Variants in GLI3 observed in about 807,000 individuals in gnomAD.
GLI3 encodes GLI family zinc finger 3, also known as transcription activator GLI3.
GLI3 carries 20 observed loss-of-function variants against 100.8 expected under a neutral mutation model. The observed-to-expected ratio is 0.20, with a 90% CI of 0.14 to 0.29. The LOEUF (loss-of-function observed/expected upper bound fraction) is 0.29. Among genes scored for constraint, GLI3 ranks in the 10% least tolerant of loss-of-function variants. The pLI is 1.00. For missense variants in GLI3, 2,040 were observed against 2,128.5 expected (o/e 0.96, Z 0.82); for synonymous variants, 938 against 860.5 (o/e 1.09, Z -1.58).
chr7:42,174,634 C>T (rs1787442645), intron 2 of GLI3, among the ~76,000 whole-genome samples: 1 of 152,152 alleles, frequency 6.6e-6, no homozygotes, highest in Non-Finnish European at 1.5e-5. Flanking sequence ...ACAACTGAAG[C>T]ACATTTCGGT....
At chr7:42,083,195 C>T (rs1262984306) in intron 3 of GLI3, among the ~76,000 whole-genome samples, 1 of 152,188 alleles carries the variant, frequency 6.6e-6, no homozygotes, top group African/African-American at 2.4e-5. Flanking sequence ...GCTCAACCCC[C>T]ACTATCCTTC....
At chr7:42,027,214 T>C (rs750422559) in intron 7 of GLI3, among the ~76,000 whole-genome samples, 2 of 152,214 alleles carry the variant, frequency 1.3e-5, no homozygotes, top group Admixed American at 6.5e-5. Flanking sequence ...TAGCAGGCAA[T>C]GCCAAATCAT....
At chr7:42,085,219 C>T (rs1785079288) in intron 3 of GLI3, among the ~76,000 whole-genome samples, 1 of 151,974 alleles carries the variant, frequency 6.6e-6, no homozygotes, top group African/African-American at 2.4e-5. Context: ...ACCCTGGAGT[C>T]AATAGGATCA....
chr7:42,095,492 ACT>A (rs1322384109), intron 3 of GLI3, among the ~76,000 whole-genome samples: 1 of 152,128 alleles, frequency 6.6e-6, no homozygotes, highest in Non-Finnish European at 1.5e-5. Context: ...AGATGTAAAG[ACT>A]CAAAAAACCA....
At chr7:42,014,822 C>A (rs1160473689) in intron 10 of GLI3, among the ~76,000 whole-genome samples, 2 of 152,096 alleles carry the variant, frequency 1.3e-5, no homozygotes, top group African/African-American at 2.4e-5. Flanking sequence ...GTAGTGGCCA[C>A]CAGGTGGTGA....
Position 41,965,566 on chromosome 7 carries a change from G to T in GLI3, c.3507C>A (p.Ser1169Arg). Reference protein sequence around the residue: ...PIQWNEVSSGSADLSSSKLKC... With the variant: ...PIQWNEVSSGRADLSSSKLKC... ...TGAGCTTGGAGGAGGACAGGTCGGC[G>T]CTTCCGGAGCTGACTTCGTTCCACT... The change falls in exon 15 of 15, where the codon AGC becomes AGA. Residue 1169 changes from serine to arginine, a missense_variant. This residue lies in a region of GLI3 where 1,041 missense variants were observed against 924.0 expected (regional missense o/e 1.13). Coordinates refer to ENST00000395925, the MANE Select transcript of GLI3 (RefSeq NM_000168.6). 6.2e-7 allele frequency: 1 copy of T among 1,604,728 alleles called. No homozygotes were observed. Among genetic ancestry groups the T allele is most frequent in the African/African-American group, 1.3e-5 (1 of 74,816 alleles).
Position 41,964,905 on chromosome 7 carries a change from C to A in GLI3, c.4168G>T (p.Gly1390Trp). The A allele has an allele frequency of 8.7e-6, 14 of 1,613,830 alleles. No homozygotes were observed. The highest frequency in any genetic ancestry group is 1.2e-5 in the Non-Finnish European group (14 of 1,180,044). ...VRGYQPCASFGGSRRQAMPRD... is the reference protein window; with the variant it reads ...VRGYQPCASFWGSRRQAMPRD... ...GGCATAGCCTGGCGCCTGCTGCCCC[C>A]AAAGCTGGCACATGGCTGGTAGCCC... Residue 1390 changes from glycine (G) to tryptophan (W), a missense_variant, in exon 15 of 15, where the codon GGG becomes TGG. Gly to Trp is a radical substitution (Grantham distance 184). Around this residue, in one of 5 missense-constraint regions of GLI3, gnomAD observed 1,041 missense variants for 924.0 expected, o/e 1.13. Coordinates refer to ENST00000395925, the MANE Select transcript of GLI3 (RefSeq NM_000168.6).
intron 2 of GLI3, among the ~76,000 whole-genome samples, chr7:42,176,329 T>C (rs1156882254): frequency 2.0e-5 from 3 of 151,794 alleles, no homozygotes; most frequent in African/African-American, 7.3e-5. Flanking sequence ...TCCCCACAAG[T>C]CCTGACAAAT....
chr7:42,062,874 G>A (rs979240372), intron 4 of GLI3, among the ~76,000 whole-genome samples: 44 of 152,162 alleles, frequency 2.9e-4, no homozygotes, highest in Middle Eastern at 3.4e-3. Flanking sequence ...AATAAAAAGT[G>A]ACTCTCCTCA....
chr7:42,101,541 G>T (rs1020502304), intron 3 of GLI3, among the ~76,000 whole-genome samples: 1 of 152,084 alleles, frequency 6.6e-6, no homozygotes, highest in African/African-American at 2.4e-5. Flanking sequence ...GGGAGGTGGA[G>T]GCTGCAGTGA....
chr7:42,081,973 A>G (rs1406065489), intron 3 of GLI3, among the ~76,000 whole-genome samples: 2 of 152,060 alleles, frequency 1.3e-5, no homozygotes, highest in African/African-American at 2.4e-5. Flanking sequence ...GAATCATCTC[A>G]ATCAGCTAGG....
intron 3 of GLI3, among the ~76,000 whole-genome samples, chr7:42,143,976 CTT>C (rs757679877): frequency 3.3e-5 from 5 of 152,150 alleles, no homozygotes; most frequent in Non-Finnish European, 5.9e-5. Flanking sequence ...ATCCGAGAAA[CTT>C]TGCACAAAGA....
At chr7:42,013,293 C>T (rs754084349) in intron 10 of GLI3, among the ~76,000 whole-genome samples, 1 of 152,028 alleles carries the variant, frequency 6.6e-6, no homozygotes, top group African/African-American at 2.4e-5. Flanking sequence ...ACAATCCTGC[C>T]CTGATTGGAA....
At chr7:41,977,900 G>T in intron 11 of GLI3, 178 bp from the exon 12 acceptor site, 1 of 649,532 alleles carries the variant, frequency 1.5e-6, no homozygotes, top group Non-Finnish European at 2.7e-6. Flanking sequence ...GCTTGGTGTA[G>T]TTCCAGATAA....
chr7:42,026,158 G>A (rs770323040), intron 8 of GLI3, 41 bp downstream of exon 8: 5 of 1,469,780 alleles, frequency 3.4e-6, no homozygotes, highest in Non-Finnish European at 4.7e-6. Flanking sequence ...CCCACCCTCG[G>A]CTGACCAGCA....
intron 5 of GLI3, among the ~76,000 whole-genome samples, chr7:42,047,534 G>C (rs146159729): frequency 2.2e-3 from 328 of 152,178 alleles, no homozygotes; most frequent in African/African-American, 7.6e-3. Flanking sequence ...ATGCAATTCT[G>C]GACCTTGATT....
intron 10 of GLI3, among the ~76,000 whole-genome samples, chr7:41,995,464 C>G (rs577194501): frequency 6.6e-6 from 1 of 152,082 alleles, no homozygotes; most frequent in Admixed American, 6.5e-5. Context: ...TCATCTCCCA[C>G]AGGAGGGTTT....
chr7:42,005,458 T>C (rs868155720), intron 10 of GLI3, among the ~76,000 whole-genome samples: 70 of 143,604 alleles, frequency 4.9e-4, no homozygotes, highest in Middle Eastern at 3.4e-3. Flanking sequence ...TGAATTCACA[T>C]ACACACACAC....
intron 1 of GLI3, among the ~76,000 whole-genome samples, chr7:42,228,027 C>A (rs997527232): frequency 6.6e-6 from 1 of 152,216 alleles, no homozygotes; most frequent in African/African-American, 2.4e-5. Flanking sequence ...GTTTTTCACG[C>A]CTTTCACCAC....
Sources: allele counts gnomAD v4.1 joint callset (sites outside exome capture counted in the v4.1 genomes callset), GRCh38; gene constraint gnomAD v4.1.1; regional missense constraint gnomAD v4.1.1; transcripts MANE v1.5; gene names NCBI Gene and HGNC (gene_info 2026-07-23, HGNC 2026-07-21).